ERBB4: variants seen among roughly 807,000 people sequenced by gnomAD.
ERBB4 encodes the protein erb-b2 receptor tyrosine kinase 4.
ERBB4 carries 42 observed loss-of-function variants against 158.0 expected under a neutral mutation model. That is an observed-to-expected ratio of 0.27 (90% CI 0.21 to 0.34). ERBB4 has a LOEUF of 0.34. Ranked by LOEUF, ERBB4 falls within the 10% of genes least tolerant of loss-of-function variation. The probability of loss-of-function intolerance (pLI) is 1.00; values close to 1 mark genes in which losing one functional copy is unlikely to be tolerated. For missense variants in ERBB4, 1,333 were observed against 1,624.1 expected (o/e 0.82, Z 3.08); for synonymous variants, 583 against 558.7 (o/e 1.04, Z -0.61).
chr2:211,775,706 G>C (rs1224581860), intron 4 of ERBB4, among the ~76,000 whole-genome samples: 2 of 152,154 alleles, frequency 1.3e-5, no homozygotes, highest in Non-Finnish European at 2.9e-5. Context: ...GAGGGTGATA[G>C]GCTGTGTGTA....
intron 14 of ERBB4, among the ~76,000 whole-genome samples, chr2:211,671,070 A>T (rs1235636960): frequency 6.6e-6 from 1 of 152,174 alleles, no homozygotes; most frequent in Non-Finnish European, 1.5e-5. Context: ...TTTTGTCTAT[A>T]GGATTAGGTG....
intron 2 of ERBB4, among the ~76,000 whole-genome samples, chr2:212,027,874 T>C (rs2076811277): frequency 6.6e-6 from 1 of 152,084 alleles, no homozygotes; most frequent in African/African-American, 2.4e-5. Flanking sequence ...GTCATGCGGA[T>C]TGAGCAAAAA....
intron 1 of ERBB4, among the ~76,000 whole-genome samples, chr2:212,307,056 A>G (rs1407001213): frequency 1.3e-5 from 2 of 151,268 alleles, no homozygotes; most frequent in South Asian, 2.1e-4. Context: ...AAGAGAACAG[A>G]CTTCAAAATA....
At chr2:212,442,701 C>T (rs563134287) in intron 1 of ERBB4, among the ~76,000 whole-genome samples, 1 of 152,260 alleles carries the variant, frequency 6.6e-6, no homozygotes, top group East Asian at 1.9e-4. Context: ...ACATACTTAG[C>T]AATTGGCAGA....
intron 3 of ERBB4, among the ~76,000 whole-genome samples, chr2:211,821,199 T>C (rs568775421): frequency 6.6e-6 from 1 of 151,720 alleles, no homozygotes; most frequent in Non-Finnish European, 1.5e-5. Context: ...AAGTTGCAGA[T>C]TGCAAAATCA....
chr2:211,630,682 A>T (rs2070083897), intron 16 of ERBB4, 88 bp from the exon 17 acceptor site: 1 of 1,192,818 alleles, frequency 8.4e-7, no homozygotes, highest in Non-Finnish European at 1.2e-6. Context: ...ACAAGACATT[A>T]TCCACATTTC....
intron 5 of ERBB4, among the ~76,000 whole-genome samples, chr2:211,738,282 C>T (rs1407902409): frequency 6.7e-6 from 1 of 149,016 alleles, no homozygotes; most frequent in Non-Finnish European, 1.5e-5. Context: ...ATGTTCAATT[C>T]TTTTTAATTA....
chr2:211,994,446 A>G (rs1440104733), intron 2 of ERBB4, among the ~76,000 whole-genome samples: 1 of 152,192 alleles, frequency 6.6e-6, no homozygotes, highest in Non-Finnish European at 1.5e-5. Flanking sequence ...CGTAACTATT[A>G]TAACTTACAT....
At position 211,615,622 on chromosome 2, in the gene ERBB4, T is replaced by G. The variant is rs375898178; in HGVS notation, c.2301+3555A>C. Among the ~76,000 whole-genome samples the G allele has an allele frequency of 2.0e-4, 31 of 152,220 alleles. 1 individual carries two copies. In the East Asian group the frequency reaches 4.3e-3, roughly 21 times the overall value. On this transcript the variant is annotated intron_variant, in intron 19 of 27. Coordinates refer to ENST00000342788, the MANE Select transcript of ERBB4 (RefSeq NM_005235.3). ...CAAACTCTCCTTCTCTTGCTTTTAG[T>G]GTAGCATTTAATAGAACACAAACTG... is the stretch of plus-strand genomic sequence containing the variant.
chr2:211,556,025 C>A (rs374281848), intron 20 of ERBB4, among the ~76,000 whole-genome samples: 18 of 152,174 alleles, frequency 1.2e-4, no homozygotes, highest in African/African-American at 4.3e-4. Context: ...CACAGAGTGG[C>A]AAGCTGGATA....
chr2:212,145,305 A>T (rs1399642221), intron 1 of ERBB4, among the ~76,000 whole-genome samples: 1 of 152,134 alleles, frequency 6.6e-6, no homozygotes, highest in African/African-American at 2.4e-5. Context: ...TGGTTGCATA[A>T]ATACTATTCA....
chr2:212,209,700 G>A lies in ERBB4; in HGVS notation c.83-84797C>T, dbSNP rs528801149. ...TAAGGAGGGAATTAAGATTAAATGAGGCCATGAGGGTGAGGCACTAATCCA... is the reference window on the plus strand; with the variant it reads ...TAAGGAGGGAATTAAGATTAAATGAAGCCATGAGGGTGAGGCACTAATCCA... On this transcript the variant is annotated intron_variant, in intron 1 of 27. Coordinates refer to ENST00000342788, the MANE Select transcript of ERBB4 (RefSeq NM_005235.3). Among the ~76,000 whole-genome samples, 169 of 152,176 alleles carry A rather than the reference G, an allele frequency of 1.1e-3. No individual in the cohort carries two copies. The Middle Eastern group carries it at 0.027, about 25-fold the overall frequency.
intron 2 of ERBB4, among the ~76,000 whole-genome samples, chr2:211,993,641 A>G (rs1400149544): frequency 6.6e-6 from 1 of 151,864 alleles, no homozygotes; most frequent in Non-Finnish European, 1.5e-5. Context: ...AAAAAAAAAC[A>G]GGGATAGTAA....
intron 2 of ERBB4, among the ~76,000 whole-genome samples, chr2:212,080,167 C>T (rs1321444916): frequency 1.3e-5 from 2 of 151,596 alleles, no homozygotes; most frequent in East Asian, 1.9e-4. Context: ...CAAAAATTAG[C>T]AGGGTGTGGT....
chr2:211,403,554 A>G (rs1316689248), intron 25 of ERBB4, among the ~76,000 whole-genome samples: 1 of 152,104 alleles, frequency 6.6e-6, no homozygotes, highest in African/African-American at 2.4e-5. Flanking sequence ...CCTAAGTATT[A>G]TAATTCTGGA....
chr2:212,056,815 T>G (rs764852908), intron 2 of ERBB4, among the ~76,000 whole-genome samples: 9 of 152,126 alleles, frequency 5.9e-5, no homozygotes. Context: ...TATCAGCCAC[T>G]GCAAAAACAT....
At chr2:211,944,185 A>ACATATATAG in intron 3 of ERBB4, among the ~76,000 whole-genome samples, 1 of 45,514 alleles carries the variant, frequency 2.2e-5, no homozygotes, top group South Asian at 4.1e-4. Context: ...TACTATATAT[A>ACATATATAG]TATATATATA....
chr2:211,386,945 G>A lies in ERBB4; in HGVS notation c.3389C>T (p.Ala1130Val), dbSNP rs2062697627. 6.2e-7 allele frequency: 1 copy of A among 1,614,100 alleles called. No homozygotes were observed. Among genetic ancestry groups the A allele is most frequent in the Middle Eastern group, 1.6e-4 (1 of 6,062 alleles). ...QEDSSTQRYS[A>V]DPTVFAPERS... Reference sequence around the variant, plus strand: ...TTCTGGGGCAAACACGGTGGGGTCAGCACTGTACCTCTGGGTGCTACTGTC... The same window carrying A: ...TTCTGGGGCAAACACGGTGGGGTCAACACTGTACCTCTGGGTGCTACTGTC... Residue 1130 changes from alanine (A) to valine (V), a missense_variant, in exon 27 of 28, where the codon GCT becomes GTT. This residue lies in a region of ERBB4 where 252 missense variants were observed against 241.3 expected (regional missense o/e 1.04). Coordinates refer to ENST00000342788, the MANE Select transcript of ERBB4 (RefSeq NM_005235.3).
At chr2:211,486,710 T>A (rs915909366) in intron 20 of ERBB4, among the ~76,000 whole-genome samples, 5 of 152,102 alleles carry the variant, frequency 3.3e-5, no homozygotes, top group African/African-American at 1.2e-4. Flanking sequence ...CAAGCCTCAA[T>A]CTTACTCCAC....
Sources: gnomAD v4.1 joint callset for allele counts (sites outside exome capture counted in the v4.1 genomes callset) on GRCh38, gnomAD v4.1.1 for gene constraint, gnomAD v4.1.1 regional missense constraint, MANE v1.5 for transcripts, NCBI Gene and HGNC (gene_info 2026-07-23, HGNC 2026-07-21) for gene names.